Variants in STAT4 observed in about 807,000 individuals in gnomAD.
STAT4 encodes the protein signal transducer and activator of transcription 4.
In STAT4, 42 loss-of-function variants were observed where a neutral mutation model predicts 110.5. That is an observed-to-expected ratio of 0.38 (90% CI 0.30 to 0.49). STAT4 has a LOEUF of 0.49. Among genes scored for constraint, STAT4 ranks in the 20% least tolerant of loss-of-function variants. The pLI is 0.95. For missense variants in STAT4, 632 were observed against 887.9 expected, an observed-to-expected ratio of 0.71 and a Z score of 3.66; for synonymous variants, 284 against 302.2, an observed-to-expected ratio of 0.94 and a Z score of 0.63.
At chr2:191,108,498 G>A (rs1048355053) in intron 3 of STAT4, among the ~76,000 whole-genome samples, 3 of 152,146 alleles carry the variant, frequency 2.0e-5, no homozygotes, top group African/African-American at 7.2e-5. Flanking sequence ...ACTGTGAAGT[G>A]TTCAGGACAC....
At position 191,113,484 on chromosome 2, in the gene STAT4, T is replaced by C. The variant is rs1008982052; in HGVS notation, c.273+33129A>G. ...CTGAATTTGACAGAATGAAACAGCATTGGATATAAATATGCTCAGAAACTT... is the reference window on the plus strand; with the variant it reads ...CTGAATTTGACAGAATGAAACAGCACTGGATATAAATATGCTCAGAAACTT... On this transcript the variant is annotated intron_variant, in intron 3 of 23. Transcript: ENST00000392320. The surrounding 1 kb of genome is among the most constrained non-coding windows in gnomAD (Gnocchi z 4.8). Among the ~76,000 whole-genome samples, 2 of 152,180 alleles carry C rather than the reference T, an allele frequency of 1.3e-5. No homozygotes were observed. Among genetic ancestry groups the C allele is most frequent in the African/African-American group, 2.4e-5 (1 of 41,454 alleles).
intron 3 of STAT4, among the ~76,000 whole-genome samples, chr2:191,084,979 T>G (rs956251175): frequency 1.3e-5 from 2 of 151,884 alleles, no homozygotes; most frequent in Non-Finnish European, 2.9e-5. Context: ...GTAAAAAAAG[T>G]AGTTTTTCTC....
Position 191,031,164 on chromosome 2 carries a change from T to C in STAT4, c.2112-84A>G, listed in dbSNP as rs183877151. The stretch of plus-strand genomic sequence containing the variant: ...TGACTTACTATGTCAGGAACTCATT[T>C]CTAGGGCTTCATCTATTTGTGACAT... On this transcript the variant is annotated intron_variant, in intron 22 of 23. Transcript: ENST00000392320. The surrounding 1 kb of genome is among the most constrained non-coding windows in gnomAD (Gnocchi z 4.8). 2.8e-4 allele frequency: 374 copies of C among 1,358,878 alleles called. No individual in the cohort carries two copies. In the African/African-American group the frequency reaches 4.6e-3, roughly 17 times the overall value. 84.2% of individuals were successfully genotyped at this position (1,358,878 alleles called of 1,614,324 possible).
Position 191,063,355 on chromosome 2 carries a change from T to C in STAT4, c.783-435A>G, listed in dbSNP as rs890479323. On this transcript the variant is annotated intron_variant, in intron 8 of 23. Transcript: ENST00000392320. ...ATGTAAGCATACTGAAAGAAAAACA[T>C]ATGTAACCGATCTTCCCACACAATA... Among the ~76,000 whole-genome samples the C allele has an allele frequency of 2.0e-5, 3 of 152,204 alleles. No individual in the cohort carries two copies. The East Asian group carries it at 5.8e-4, about 29-fold the overall frequency.
Position 191,107,838 on chromosome 2 carries a change from T to C in STAT4, c.274-31513A>G, listed in dbSNP as rs1015757631. Reference sequence around the variant, plus strand: ...TTAGTTTTTCAGCAAGTATTTATTATGTGAAGAAGTCCTAACATTTCTATA... The same window carrying C: ...TTAGTTTTTCAGCAAGTATTTATTACGTGAAGAAGTCCTAACATTTCTATA... On this transcript the variant is annotated intron_variant, in intron 3 of 23. Transcript: ENST00000392320. The surrounding 1 kb of genome is among the most constrained non-coding windows in gnomAD (Gnocchi z 4.2). 6.6e-6 allele frequency among the ~76,000 whole-genome samples: 1 copy of C among 152,210 alleles called. No homozygotes were observed. The highest frequency in any genetic ancestry group is 1.5e-5 in the Non-Finnish European group (1 of 68,038).
chr2:191,108,110 G>A (rs1698329340), intron 3 of STAT4, among the ~76,000 whole-genome samples: 1 of 151,982 alleles, frequency 6.6e-6, no homozygotes, highest in Admixed American at 6.6e-5. Context: ...GGTCAACATG[G>A]CGAAACCCCA....
In STAT4 at chr2:191,099,898, C is replaced by T. The variant is rs1248706031; in HGVS notation, c.274-23573G>A. Among the ~76,000 whole-genome samples, 1 of 151,972 alleles carries T rather than the reference C, an allele frequency of 6.6e-6. No individual in the cohort carries two copies. The highest frequency in any genetic ancestry group is 1.5e-5 in the Non-Finnish European group (1 of 67,974). On this transcript the variant is annotated intron_variant, in intron 3 of 23. Transcript: ENST00000392320. This position sits in a 1 kb window ranked among gnomAD's most constrained non-coding sequence, Gnocchi z 4.1. ...CAGTAAAAGTATGAAAAGTTGGTGACCAAAATGTTAATAGTGGTTATCTTA... is the reference window on the plus strand; with the variant it reads ...CAGTAAAAGTATGAAAAGTTGGTGATCAAAATGTTAATAGTGGTTATCTTA...
intron 3 of STAT4, chr2:191,131,888 C>A: frequency 6.9e-7 from 1 of 1,443,180 alleles, no homozygotes; most frequent in East Asian, 2.9e-5. Flanking sequence ...TGTGCTGTAG[C>A]CAACCCTGGG....
chr2:191,140,454 T>C lies in STAT4; in HGVS notation c.273+6159A>G, dbSNP rs1699291866. On this transcript the variant is annotated intron_variant, in intron 3 of 23. Transcript: ENST00000392320. This position sits in a 1 kb window ranked among gnomAD's most constrained non-coding sequence, Gnocchi z 4.4. ...GGCAAAGGACTTGAATACACAATTCTCAAAAGAAGATATACAGTCAACAAA... is the reference window on the plus strand; with the variant it reads ...GGCAAAGGACTTGAATACACAATTCCCAAAAGAAGATATACAGTCAACAAA... Among the ~76,000 whole-genome samples the C allele has an allele frequency of 6.6e-6, 1 of 152,110 alleles. No homozygotes were observed. The highest frequency in any genetic ancestry group is 1.5e-5 in the Non-Finnish European group (1 of 68,022).
At chr2:191,063,332 G>A (rs1696899999) in intron 8 of STAT4, among the ~76,000 whole-genome samples, 1 of 152,138 alleles carries the variant, frequency 6.6e-6, no homozygotes, top group African/African-American at 2.4e-5. Context: ...GTTTTCTTAT[G>A]TAAGCATACT....
rs758637898 is a variant in STAT4 at position 191,110,992 on chromosome 2, C to G, written c.274-34667G>C. On this transcript the variant is annotated intron_variant, in intron 3 of 23. Transcript: ENST00000392320. The surrounding 1 kb of genome is among the most constrained non-coding windows in gnomAD (Gnocchi z 4.5). ...GTAGAGACAAGGTTTCACCATGTTG[C>G]CCAGGCTGGTCTTGAACTCCTGAGC... is the stretch of plus-strand genomic sequence containing the variant. Among the ~76,000 whole-genome samples, 1 of 152,024 alleles carries G rather than the reference C, an allele frequency of 6.6e-6. No individual in the cohort carries two copies. Among genetic ancestry groups the G allele is most frequent in the African/African-American group, 2.4e-5 (1 of 41,392 alleles).
chr2:191,109,498 A>G (rs1409617729), intron 3 of STAT4, among the ~76,000 whole-genome samples: 1 of 152,142 alleles, frequency 6.6e-6, no homozygotes, highest in Non-Finnish European at 1.5e-5. Flanking sequence ...ATTCAGAAAC[A>G]TAGATGCTAT....
rs376153201 is a variant in STAT4, at chr2:191,032,776, G to A, written c.2044+182C>T. On this transcript the variant is annotated intron_variant, in intron 21 of 23. Transcript: ENST00000392320. This position sits in a 1 kb window ranked among gnomAD's most constrained non-coding sequence, Gnocchi z 4.9. The stretch of plus-strand genomic sequence containing the variant: ...ACTCGCTAGTGTTAGAAAGCCCAGC[G>A]GTCCCTTTTCAGGAACTGCTGACAT... 17 of 610,582 alleles carry A rather than the reference G, an allele frequency of 2.8e-5. No individual in the cohort carries two copies. Among genetic ancestry groups the A allele is most frequent in the African/African-American group, 9.4e-5 (5 of 52,942 alleles). The allele number at this position is 610,582 out of a possible 1,614,324, so 37.8% of individuals were successfully genotyped here. A position where few individuals can be genotyped will look rare whatever the true frequency, so the allele number is the denominator to read the frequency against.
intron 3 of STAT4, among the ~76,000 whole-genome samples, chr2:191,109,306 T>C (rs373283561): frequency 3.1e-4 from 46 of 150,768 alleles, no homozygotes; most frequent in African/African-American, 1.0e-3. Context: ...GTTTTGTTTT[T>C]TGTTTTTTTT....
chr2:191,128,567 G>A (rs751332177), intron 3 of STAT4, among the ~76,000 whole-genome samples: 3 of 152,160 alleles, frequency 2.0e-5, no homozygotes, highest in Non-Finnish European at 4.4e-5. Context: ...TAAACAAGAA[G>A]GAACTCACTT....
At chr2:191,076,036 TG>T (rs1697308647) in intron 4 of STAT4, 190 bp downstream of exon 4, 23 of 515,056 alleles carry the variant, frequency 4.5e-5, no homozygotes, top group East Asian at 1.2e-4. Context: ...TTTTTTTTTT[TG>T]GAGACAGGGT....
At position 191,033,379 on chromosome 2, in the gene STAT4, C is replaced by G; in HGVS notation, c.1852+111G>C. ...CTGCAACTACTAATATTCAAGCCCACTGAATACATCACAGACAGATCAACA... is the reference window on the plus strand; with the variant it reads ...CTGCAACTACTAATATTCAAGCCCAGTGAATACATCACAGACAGATCAACA... On this transcript the variant is annotated intron_variant, in intron 20 of 23. Coordinates refer to ENST00000392320, the MANE Select transcript of STAT4 (RefSeq NM_003151.4). The surrounding 1 kb of genome is among the most constrained non-coding windows in gnomAD (Gnocchi z 6.9). 2 of 1,323,130 alleles carry G rather than the reference C, an allele frequency of 1.5e-6. No homozygotes were observed. 82.0% of individuals were successfully genotyped at this position (1,323,130 alleles called of 1,614,324 possible).
rs1559051578 is a variant in STAT4, at chr2:191,066,771, G to GTTTT, written c.545-260_545-257dup. 6.6e-6 allele frequency among the ~76,000 whole-genome samples: 1 copy of GTTTT among 152,114 alleles called. No individual in the cohort carries two copies. ...TGCACTGGGTGTTTTGTTTTGTTTT[G>GTTTT]TTTTGGTGGTGGTGGACAGAGGAGA... is the stretch of plus-strand genomic sequence containing the variant. On this transcript the variant is annotated intron_variant, in intron 6 of 23. Coordinates refer to ENST00000392320, the MANE Select transcript of STAT4 (RefSeq NM_003151.4). This position sits in a 1 kb window ranked among gnomAD's most constrained non-coding sequence, Gnocchi z 4.3.
chr2:191,058,001 T>C lies in STAT4; in HGVS notation c.1206+17A>G. 6.2e-7 allele frequency: 1 copy of C among 1,607,628 alleles called. No homozygotes were observed. Among genetic ancestry groups the C allele is most frequent in the Non-Finnish European group, 8.5e-7 (1 of 1,174,354 alleles). On this transcript the variant is annotated intron_variant, in intron 13 of 23. Coordinates refer to ENST00000392320, the MANE Select transcript of STAT4 (RefSeq NM_003151.4). This position sits in a 1 kb window ranked among gnomAD's most constrained non-coding sequence, Gnocchi z 4.3. ...TTGGGGAAAAAAAAGCCTGTTTAAC[T>C]TTACTGCCAAACTTACCAAATGTCG...
Sources: gnomAD v4.1 joint callset for allele counts (sites outside exome capture counted in the v4.1 genomes callset) on GRCh38, gnomAD v4.1.1 for gene constraint, Gnocchi (gnomAD v3.1) non-coding constraint, MANE v1.5 for transcripts, NCBI Gene and HGNC (gene_info 2026-07-23, HGNC 2026-07-21) for gene names.